NACC1: variants seen among roughly 807,000 people sequenced by gnomAD.
The protein encoded by NACC1 is nucleus accumbens-associated protein 1.
Under a neutral mutation model 41.7 loss-of-function variants are expected in NACC1, and 6 were observed. The observed-to-expected ratio is 0.14, with a 90% CI of 0.08 to 0.28. The LOEUF is 0.28. NACC1 is among the 10% of genes least tolerant of loss of function. The pLI, the probability that NACC1 is intolerant of heterozygous loss-of-function variation, is 1.00. For synonymous variants in NACC1, 338 were observed against 330.6 expected (o/e 1.02, Z -0.24); for missense variants, 434 against 763.7 (o/e 0.57, Z 5.09).
Position 13,138,694 on chromosome 19 carries a change from A to C in NACC1, c.*288A>C. 7.1e-6 allele frequency: 3 copies of C among 424,588 alleles called. No individual in the cohort carries two copies. Among genetic ancestry groups the C allele is most frequent in the Non-Finnish European group, 8.7e-6 (2 of 228,940 alleles). 26.3% of individuals were successfully genotyped at this position (424,588 alleles called of 1,614,324 possible). Reference sequence around the variant, plus strand: ...ACCCCTAGCCGTCATCTCCACACTCACCAGGCCCACCAGGGGAGGGGGCTG... The same window carrying C: ...ACCCCTAGCCGTCATCTCCACACTCCCCAGGCCCACCAGGGGAGGGGGCTG... On this transcript the variant is annotated 3_prime_UTR_variant, in exon 6 of 6. Transcript: ENST00000292431. This position sits in a 1 kb window ranked among gnomAD's most constrained non-coding sequence, Gnocchi z 5.7.
rs998889284 is a variant in NACC1 at position 13,138,767 on chromosome 19, C to A, written c.*361C>A. The A allele has an allele frequency of 1.8e-5, 5 of 276,116 alleles. No individual in the cohort carries two copies. The highest frequency in any genetic ancestry group is 8.7e-5 in the African/African-American group (4 of 46,112). The allele number at this position is 276,116 out of a possible 1,614,324, so 17.1% of individuals were successfully genotyped here. On this transcript the variant is annotated 3_prime_UTR_variant, in exon 6 of 6. Transcript: ENST00000292431. The surrounding 1 kb of genome is among the most constrained non-coding windows in gnomAD (Gnocchi z 5.7). ...CCTCCCCAGGCCCTAGGCCACCTCGCGGAAGCCTTCAGCCTCCGCCCCTCA... is the reference window on the plus strand; with the variant it reads ...CCTCCCCAGGCCCTAGGCCACCTCGAGGAAGCCTTCAGCCTCCGCCCCTCA...
chr19:13,137,808 CAG>C lies in NACC1; in HGVS notation c.1324+234_1324+235del, dbSNP rs1272095888. Among the ~76,000 whole-genome samples, 2 of 152,210 alleles carry C rather than the reference CAG, an allele frequency of 1.3e-5. No homozygotes were observed. The highest frequency in any genetic ancestry group is 2.1e-4 in the South Asian group (1 of 4,838). On this transcript the variant is annotated intron_variant, in intron 5 of 5. Transcript: ENST00000292431. The surrounding 1 kb of genome is among the most constrained non-coding windows in gnomAD (Gnocchi z 6.1). ...GTGTCAGGCAGGAGGGTCTCGAACT[CAG>C]GGCAGTCTGGGAGGGATGAGGCAGC...
At chr19:13,126,714 C>T (rs1320729536) in intron 1 of NACC1, among the ~76,000 whole-genome samples, 1 of 152,164 alleles carries the variant, frequency 6.6e-6, no homozygotes, top group Admixed American at 6.6e-5. Flanking sequence ...GTCTGTCTGC[C>T]CAGCCACAGA....
At chr19:13,122,703 G>A (rs530150436) in intron 1 of NACC1, among the ~76,000 whole-genome samples, 2 of 152,264 alleles carry the variant, frequency 1.3e-5, no homozygotes, top group South Asian at 4.1e-4. Context: ...TTGGCGTCTG[G>A]GGTGTGAGTG....
rs1568386592 is a variant in NACC1 at position 13,137,823 on chromosome 19, G to A, written c.1324+248G>A. 2.0e-5 allele frequency among the ~76,000 whole-genome samples: 3 copies of A among 152,204 alleles called. No homozygotes were observed. Among genetic ancestry groups the A allele is most frequent in the African/African-American group, 7.2e-5 (3 of 41,462 alleles). On this transcript the variant is annotated intron_variant, in intron 5 of 5. Coordinates refer to ENST00000292431, the MANE Select transcript of NACC1 (RefSeq NM_052876.4). The surrounding 1 kb of genome is among the most constrained non-coding windows in gnomAD (Gnocchi z 6.1). ...GTCTCGAACTCAGGGCAGTCTGGGA[G>A]GGATGAGGCAGCCAGACAGTGCTAG...
rs116765480 is a variant in NACC1, at chr19:13,139,012, G to A, written c.*606G>A. On this transcript the variant is annotated 3_prime_UTR_variant, in exon 6 of 6. Coordinates refer to ENST00000292431, the MANE Select transcript of NACC1 (RefSeq NM_052876.4). ...CCGACCTCAGGTGGCCGGCAGTGGC[G>A]TGCCTGGTGCCCTTTCTCCTCTTCC... is the stretch of plus-strand genomic sequence containing the variant. The A allele has an allele frequency of 5.4e-3, 823 of 153,472 alleles. 5 individuals carry two copies. The highest frequency in any genetic ancestry group is 0.017 in the African/African-American group (715 of 41,498). 9.5% of individuals were successfully genotyped at this position (153,472 alleles called of 1,614,324 possible).
At position 13,136,811 on chromosome 19, in the gene NACC1, G is replaced by A. The variant is rs1243990924; in HGVS notation, c.1120+406G>A. On this transcript the variant is annotated intron_variant, in intron 3 of 5. Transcript: ENST00000292431. The surrounding 1 kb of genome is among the most constrained non-coding windows in gnomAD (Gnocchi z 5.5). ...GGAGGTCAAGGCTGCAGTGAGCTGT[G>A]GTGGCCACTGCACTCCAGCCTGGGT... Among the ~76,000 whole-genome samples the A allele has an allele frequency of 1.3e-5, 2 of 152,084 alleles. No homozygotes were observed. Among genetic ancestry groups the A allele is most frequent in the African/African-American group, 2.4e-5 (1 of 41,408 alleles).
chr19:13,132,899 C>T (rs1468576069), intron 1 of NACC1, among the ~76,000 whole-genome samples: 3 of 152,204 alleles, frequency 2.0e-5, no homozygotes, highest in African/African-American at 7.2e-5. Context: ...GTCAGAGGAG[C>T]AGGTCGGTGC....
chr19:13,119,797 T>C (rs1174224163), intron 1 of NACC1, among the ~76,000 whole-genome samples: 3 of 152,172 alleles, frequency 2.0e-5, no homozygotes, highest in Non-Finnish European at 4.4e-5. Flanking sequence ...TCTGGGACAC[T>C]CGTCCTGGGC....
intron 1 of NACC1, among the ~76,000 whole-genome samples, chr19:13,128,241 G>GT (rs2019589958): frequency 6.6e-6 from 1 of 152,192 alleles, no homozygotes. Context: ...CTTCAGGCCT[G>GT]TCTTAGTCAG....
In NACC1 at chr19:13,138,117, T is replaced by C. The variant is rs1239407851; in HGVS notation, c.1325-30T>C. 1.2e-6 allele frequency: 2 copies of C among 1,607,404 alleles called. No individual in the cohort carries two copies. The highest frequency in any genetic ancestry group is 3.3e-5 in the Admixed American group (2 of 59,856). The stretch of plus-strand genomic sequence containing the variant: ...CCTTGTGGGAGTCACCTGGCCCCCG[T>C]GCCAAGGCCGCACCCACCCTGCCCC... On this transcript the variant is annotated intron_variant, in intron 5 of 5. Coordinates refer to ENST00000292431, the MANE Select transcript of NACC1 (RefSeq NM_052876.4). This position sits in a 1 kb window ranked among gnomAD's most constrained non-coding sequence, Gnocchi z 5.7.
chr19:13,121,422 G>A (rs1179053400), intron 1 of NACC1, among the ~76,000 whole-genome samples: 3 of 152,184 alleles, frequency 2.0e-5, no homozygotes, highest in East Asian at 1.9e-4. Flanking sequence ...ATCACCCCCA[G>A]ATGGAAGTTC....
intron 1 of NACC1, among the ~76,000 whole-genome samples, chr19:13,123,678 T>A (rs1195872794): frequency 6.6e-6 from 1 of 152,142 alleles, no homozygotes; most frequent in Non-Finnish European, 1.5e-5. Flanking sequence ...GTAGCTCAGG[T>A]AAAGAGCCCC....
In NACC1 at chr19:13,136,123, A is replaced by G; in HGVS notation, c.916A>G (p.Met306Val). ...CCGGCAGATCTGCAACATGTACACCATGTACAGCATGATGAACGTCGGCCA... is the reference window on the plus strand; with the variant it reads ...CCGGCAGATCTGCAACATGTACACCGTGTACAGCATGATGAACGTCGGCCA... The part of the protein sequence containing the change: ...QYRQICNMYT[M>V]YSMMNVGQTA... The change falls in exon 2 of 6, where the codon ATG becomes GTG. Residue 306 changes from methionine to valine, a missense_variant. By Grantham distance (21) the Met-to-Val change is conservative. Around this residue, in one of 4 missense-constraint regions of NACC1, gnomAD observed 234 missense variants for 308.3 expected, o/e 0.76. Transcript: ENST00000292431. The surrounding 1 kb of genome is among the most constrained non-coding windows in gnomAD (Gnocchi z 5.5). 6.2e-7 allele frequency: 1 copy of G among 1,613,544 alleles called. No homozygotes were observed. The highest frequency in any genetic ancestry group is 8.5e-7 in the Non-Finnish European group (1 of 1,179,786).
rs969210354 is a variant in NACC1, at chr19:13,140,561, C to G, written c.*2155C>G. 2 of 151,746 alleles carry G rather than the reference C, an allele frequency of 1.3e-5. No homozygotes were observed. Among genetic ancestry groups the G allele is most frequent in the African/African-American group, 4.8e-5 (2 of 41,256 alleles). The allele number at this position is 151,746 out of a possible 1,614,324, so 9.4% of individuals were successfully genotyped here. ...TGTGGCATTGGCTTGGGTGGCAGAG[C>G]CCACTTGTTTCAGGGACCCCAGGAG... On this transcript the variant is annotated 3_prime_UTR_variant, in exon 6 of 6. Transcript: ENST00000292431. The surrounding 1 kb of genome is among the most constrained non-coding windows in gnomAD (Gnocchi z 4.0).
chr19:13,118,381 C>A lies in NACC1; in HGVS notation c.-82C>A, dbSNP rs1303806218. The A allele has an allele frequency of 6.8e-6, 1 of 146,734 alleles. No homozygotes were observed. The highest frequency in any genetic ancestry group is 1.5e-5 in the Non-Finnish European group (1 of 65,970). The allele number at this position is 146,734 out of a possible 1,614,324, so 9.1% of individuals were successfully genotyped here. A position where few individuals can be genotyped will look rare whatever the true frequency, so the allele number is the denominator to read the frequency against. On this transcript the variant is annotated 5_prime_UTR_variant, in exon 1 of 6. Transcript: ENST00000292431. Reference sequence around the variant, plus strand: ...CGAGGCCCCGGCGCAGCGGGGCGCGCCCCGGGCCCAGGCCCGGCCCCAGCC... The same window carrying A: ...CGAGGCCCCGGCGCAGCGGGGCGCGACCCGGGCCCAGGCCCGGCCCCAGCC...
At chr19:13,133,239 CCA>C (rs1290682295) in intron 1 of NACC1, among the ~76,000 whole-genome samples, 3 of 152,042 alleles carry the variant, frequency 2.0e-5, no homozygotes, top group Non-Finnish European at 4.4e-5. Context: ...CGCACTCTGC[CCA>C]GTTAGGACCA....
At chr19:13,131,012 C>G (rs769929630) in intron 1 of NACC1, among the ~76,000 whole-genome samples, 10 of 152,188 alleles carry the variant, frequency 6.6e-5, no homozygotes, top group Non-Finnish European at 1.2e-4. Context: ...CTGATACCTT[C>G]CCGCCCAGAA....
chr19:13,131,210 C>T (rs950592983), intron 1 of NACC1, among the ~76,000 whole-genome samples: 1 of 152,174 alleles, frequency 6.6e-6, no homozygotes, highest in Non-Finnish European at 1.5e-5. Flanking sequence ...AAGGAGGATG[C>T]AGTTCATCAG....
Sources: gnomAD v4.1 joint callset for allele counts (sites outside exome capture counted in the v4.1 genomes callset) on GRCh38, gnomAD v4.1.1 for gene constraint, gnomAD v4.1.1 regional missense constraint, Gnocchi (gnomAD v3.1) non-coding constraint, MANE v1.5 for transcripts, NCBI Gene and HGNC (gene_info 2026-07-23, HGNC 2026-07-21) for gene names.